Variants in MINDY4 observed in about 807,000 individuals in gnomAD.
MINDY4 encodes the protein MINDY lysine 48 deubiquitinase 4.
A neutral mutation model predicts 87.0 loss-of-function variants in MINDY4; 68 were observed. The observed-to-expected ratio is 0.78, with a 90% CI of 0.64 to 0.96. The LOEUF (loss-of-function observed/expected upper bound fraction) is 0.96. MINDY4 is among the 40% of genes least tolerant of loss of function. The pLI, the probability that MINDY4 is intolerant of heterozygous loss-of-function variation, is 0.00. For missense variants in MINDY4, 919 were observed against 928.2 expected (o/e 0.99, Z 0.13); for synonymous variants, 379 against 363.2 (o/e 1.04, Z -0.50).
intron 5 of MINDY4, among the ~76,000 whole-genome samples, chr7:30,796,226 C>T (rs1787484966): frequency 6.6e-6 from 1 of 152,088 alleles, no homozygotes; most frequent in South Asian, 2.1e-4. Context: ...CACATTTCCC[C>T]CTGTCTCACT....
At chr7:30,810,415 G>T (rs149381638) in intron 5 of MINDY4, among the ~76,000 whole-genome samples, 5,660 of 150,756 alleles carry the variant, frequency 0.038, 319 homozygotes, top group African/African-American at 0.13. Context: ...AGGATTATAA[G>T]GAGGCATAAG....
chr7:30,852,324 G>T, intron 11 of MINDY4, 45 bp downstream of exon 11: 1 of 1,613,616 alleles, frequency 6.2e-7, no homozygotes, highest in African/African-American at 1.3e-5. Context: ...GGCTTTGTTT[G>T]GGGACTGTCT....
rs749362253 is a variant in MINDY4 at position 30,853,451 on chromosome 7, A to C, written c.1669A>C (p.Ile557Leu). 7 of 1,612,442 alleles carry C rather than the reference A, an allele frequency of 4.3e-6. No individual in the cohort carries two copies. In the East Asian group the frequency reaches 1.6e-4, roughly 36 times the overall value. Residue 557 changes from isoleucine to leucine, a missense_variant, in exon 12 of 18, where the codon ATT becomes CTT. Physicochemically the swap from Ile to Leu is conservative, Grantham distance 5 (BLOSUM62 2). Transcript: ENST00000265299. ...CCTGGTGACTTTTCTTCAACAAAGC[A>C]TTCATCAGGTATGAAGCATGCCTTA... Reference protein sequence around the residue: ...EDLVTFLQQSIHQFEVGPYGC... With the variant: ...EDLVTFLQQSLHQFEVGPYGC...
intron 13 of MINDY4, among the ~76,000 whole-genome samples, chr7:30,869,838 G>A (rs1194848379): frequency 6.6e-6 from 1 of 152,096 alleles, no homozygotes; most frequent in Non-Finnish European, 1.5e-5. Flanking sequence ...AGGGGAGACC[G>A]AGGCCACACA....
chr7:30,829,189 C>G lies in MINDY4; in HGVS notation c.1132+452C>G, dbSNP rs73689308. On this transcript the variant is annotated intron_variant, in intron 6 of 17. Coordinates refer to ENST00000265299, the MANE Select transcript of MINDY4 (RefSeq NM_032222.3). ...CATTAAGTGTACAACCTTAAGTGCC[C>G]TGGTCTGCATCTTCACTTCTGTGTA... Among the ~76,000 whole-genome samples the G allele has an allele frequency of 5.1e-3, 771 of 152,300 alleles. 6 individuals carry two copies. Among genetic ancestry groups the G allele is most frequent in the African/African-American group, 0.018 (745 of 41,556 alleles).
At chr7:30,874,652 C>T (rs1291917912) in intron 14 of MINDY4, among the ~76,000 whole-genome samples, 2 of 152,212 alleles carry the variant, frequency 1.3e-5, no homozygotes, top group Admixed American at 6.5e-5. Flanking sequence ...CCTCATGCCA[C>T]GTAGCAAGAC....
Position 30,864,489 on chromosome 7 carries a change from G to A in MINDY4, c.1745+5165G>A, listed in dbSNP as rs534715649. On this transcript the variant is annotated intron_variant, in intron 13 of 17. Coordinates refer to ENST00000265299, the MANE Select transcript of MINDY4 (RefSeq NM_032222.3). ...ATCCAGGAACCCAGACATTGTCTTT[G>A]GGAATTGGTGTCTGTTCTTTTGTCT... Among the ~76,000 whole-genome samples the A allele has an allele frequency of 1.3e-3, 197 of 152,336 alleles. 1 individual carries two copies. Among genetic ancestry groups the A allele is most frequent in the African/African-American group, 4.4e-3 (181 of 41,586 alleles).
At chr7:30,877,189 G>A (rs907139693) in intron 15 of MINDY4, among the ~76,000 whole-genome samples, 4 of 152,180 alleles carry the variant, frequency 2.6e-5, no homozygotes, top group African/African-American at 9.7e-5. Context: ...TCCTGGGTGT[G>A]CTCTGAAAGT....
chr7:30,891,791 G>A (rs559510324), intron 17 of MINDY4, among the ~76,000 whole-genome samples, 166 bp from the exon 18 acceptor site: 1 of 152,342 alleles, frequency 6.6e-6, no homozygotes, highest in East Asian at 1.9e-4. Flanking sequence ...TAAGAGACTG[G>A]TGTGTGGGTT....
chr7:30,782,543 A>G (rs572125996), intron 3 of MINDY4, among the ~76,000 whole-genome samples: 2 of 152,182 alleles, frequency 1.3e-5, no homozygotes, highest in South Asian at 4.2e-4. Flanking sequence ...CTCTACAACA[A>G]CAACAAAAAA....
chr7:30,889,172 C>T (rs1480483046), intron 17 of MINDY4, among the ~76,000 whole-genome samples: 1 of 152,130 alleles, frequency 6.6e-6, no homozygotes, highest in Admixed American at 6.5e-5. Context: ...TCAATGCTTG[C>T]CCACAAATCT....
intron 6 of MINDY4, among the ~76,000 whole-genome samples, chr7:30,830,542 T>G (rs902390122): frequency 6.6e-6 from 1 of 152,140 alleles, no homozygotes; most frequent in African/African-American, 2.4e-5. Context: ...CTTCACATGG[T>G]GGCAGGAAGG....
At chr7:30,831,222 C>T (rs1300070283) in intron 6 of MINDY4, among the ~76,000 whole-genome samples, 4 of 152,112 alleles carry the variant, frequency 2.6e-5, no homozygotes, top group Non-Finnish European at 4.4e-5. Context: ...AGGAAGTTTC[C>T]CTGAGCATTT....
chr7:30,853,981 C>CG (rs1014464953), intron 12 of MINDY4, among the ~76,000 whole-genome samples: 5 of 152,190 alleles, frequency 3.3e-5, no homozygotes, highest in African/African-American at 1.2e-4. Context: ...CTGGAGCCCC[C>CG]CCGCCTGCCA....
Position 30,875,580 on chromosome 7 carries a change from T to C in MINDY4, c.1895T>C (p.Ile632Thr), listed in dbSNP as rs1790233503. 6.2e-7 allele frequency: 1 copy of C among 1,614,112 alleles called. No homozygotes were observed. Among genetic ancestry groups the C allele is most frequent in the Admixed American group, 1.7e-5 (1 of 60,008 alleles). The change falls in exon 15 of 18, where the codon ATC becomes ACC. Residue 632 changes from isoleucine (I) to threonine (T), a missense_variant. By Grantham distance (89) the Ile-to-Thr change is moderately conservative. Coordinates refer to ENST00000265299, the MANE Select transcript of MINDY4 (RefSeq NM_032222.3). Reference protein sequence around the residue: ...VVELDSGDGNITLLRGIAARS... With the variant: ...VVELDSGDGNTTLLRGIAARS... ...GAGCTGGATTCTGGGGATGGGAACA[T>C]CACACTTCTCAGAGGCATTGCTGCA... is the stretch of plus-strand genomic sequence containing the variant.
intron 6 of MINDY4, among the ~76,000 whole-genome samples, chr7:30,836,360 A>G (rs62449075): frequency 0.031 from 4,763 of 152,186 alleles, 122 homozygotes; most frequent in Non-Finnish European, 0.045. Flanking sequence ...GTTCCACTCT[A>G]TGTCCATGCG....
chr7:30,788,555 G>A (rs1010924690), intron 4 of MINDY4, among the ~76,000 whole-genome samples: 7 of 152,128 alleles, frequency 4.6e-5, no homozygotes, highest in East Asian at 3.8e-4. Context: ...TCAAGCTCAC[G>A]GTGGCAGATA....
At chr7:30,851,489 G>A (rs1364729473) in intron 10 of MINDY4, among the ~76,000 whole-genome samples, 1 of 152,126 alleles carries the variant, frequency 6.6e-6, no homozygotes, top group Non-Finnish European at 1.5e-5. Context: ...AATAATAATT[G>A]CGAAGTGCTT....
chr7:30,778,225 G>A (rs555565183), intron 1 of MINDY4, among the ~76,000 whole-genome samples: 139 of 152,312 alleles, frequency 9.1e-4, no homozygotes, highest in African/African-American at 3.2e-3. Context: ...CCTTATCTGC[G>A]AAATGGCCTG....
Sources: allele counts gnomAD v4.1 joint callset (sites outside exome capture counted in the v4.1 genomes callset), GRCh38; gene constraint gnomAD v4.1.1; transcripts MANE v1.5; gene names NCBI Gene and HGNC (gene_info 2026-07-23, HGNC 2026-07-21).